The following TENT2 variants were observed in gnomAD, a reference collection of about 807,000 sequenced individuals.
The protein encoded by TENT2 is poly(A) RNA polymerase GLD2.
TENT2 carries 44 observed loss-of-function variants against 72.2 expected under a neutral mutation model. The ratio of observed to expected loss-of-function variants is 0.61; its 90% confidence interval spans 0.48 to 0.78. The LOEUF is 0.78. Ranked by LOEUF, TENT2 falls within the 30% of genes least tolerant of loss-of-function variation. The probability of loss-of-function intolerance (pLI) is 0.00; values close to 1 mark genes in which losing one functional copy is unlikely to be tolerated. For missense variants in TENT2, 541 were observed against 569.6 expected (o/e 0.95, Z 0.51); for synonymous variants, 212 against 192.5 (o/e 1.10, Z -0.84).
intron 4 of TENT2, among the ~76,000 whole-genome samples, chr5:79,627,419 T>TA (rs1405536180): frequency 6.6e-6 from 1 of 152,238 alleles, no homozygotes; most frequent in African/African-American, 2.4e-5. Context: ...TAGAAAGAGA[T>TA]ACTCCTAAAT....
At chr5:79,628,054 C>T (rs1272479475) in intron 4 of TENT2, among the ~76,000 whole-genome samples, 1 of 152,000 alleles carries the variant, frequency 6.6e-6, no homozygotes, top group Non-Finnish European at 1.5e-5. Flanking sequence ...AAGATTTGAT[C>T]TTTGTCTCTA....
chr5:79,622,238 G>A (rs1765680441), intron 3 of TENT2, among the ~76,000 whole-genome samples: 1 of 152,046 alleles, frequency 6.6e-6, no homozygotes, highest in Non-Finnish European at 1.5e-5. Flanking sequence ...GGAGGCAGAG[G>A]TTGCGGTGAG....
chr5:79,669,173 A>G, intron 12 of TENT2, 145 bp downstream of exon 12: 1 of 996,190 alleles, frequency 1.0e-6, no homozygotes, highest in Non-Finnish European at 1.4e-6. Context: ...AAAGTTGTCC[A>G]GAAATGTATA....
rs1059236 is a variant in TENT2, at chr5:79,686,365, T to A, written c.*1092T>A. ...AAAGCTACAGTGTTTATTAAGGGTCTTTTTGATTTATGTAAATATTTGTAA... is the reference window on the plus strand; with the variant it reads ...AAAGCTACAGTGTTTATTAAGGGTCATTTTGATTTATGTAAATATTTGTAA... On this transcript the variant is annotated 3_prime_UTR_variant, in exon 15 of 15. Coordinates refer to ENST00000453514, the MANE Select transcript of TENT2 (RefSeq NM_001114394.3). 6.6e-6 allele frequency: 1 copy of A among 152,106 alleles called. No homozygotes were observed. Among genetic ancestry groups the A allele is most frequent in the Non-Finnish European group, 1.5e-5 (1 of 68,016 alleles). The allele number at this position is 152,106 out of a possible 1,614,324, so 9.4% of individuals were successfully genotyped here.
At chr5:79,667,684 A>G (rs1809431231) in intron 11 of TENT2, among the ~76,000 whole-genome samples, 1 of 152,176 alleles carries the variant, frequency 6.6e-6, no homozygotes, top group Non-Finnish European at 1.5e-5. Flanking sequence ...TTATTGATAG[A>G]ATTATAGGTA....
chr5:79,658,515 TTCTC>T (rs1401903941), intron 11 of TENT2, among the ~76,000 whole-genome samples: 1 of 152,152 alleles, frequency 6.6e-6, no homozygotes, highest in East Asian at 1.9e-4. Flanking sequence ...TTGAATGTTT[TTCTC>T]TCTCCATAAA....
chr5:79,643,443 T>C (rs570616601), intron 7 of TENT2, among the ~76,000 whole-genome samples: 1 of 152,318 alleles, frequency 6.6e-6, no homozygotes. Context: ...TCTAAACATA[T>C]TTTAATCCAC....
chr5:79,653,428 G>A (rs1580464215), intron 10 of TENT2, among the ~76,000 whole-genome samples: 3 of 152,180 alleles, frequency 2.0e-5, no homozygotes, highest in East Asian at 1.9e-4. Context: ...AGGAGTTTGA[G>A]GTTGCAGTAA....
chr5:79,620,358 A>T (rs1382985826), intron 3 of TENT2, among the ~76,000 whole-genome samples: 1 of 152,226 alleles, frequency 6.6e-6, no homozygotes, highest in Non-Finnish European at 1.5e-5. Flanking sequence ...TCTAGAATAA[A>T]GCTGTTTCCT....
intron 3 of TENT2, among the ~76,000 whole-genome samples, chr5:79,620,297 G>A (rs1372020111): frequency 6.6e-6 from 1 of 152,068 alleles, no homozygotes; most frequent in Non-Finnish European, 1.5e-5. Context: ...TTGTATGTTT[G>A]TTTCTGCCCT....
rs1179120609 is a variant in TENT2 at position 79,686,900 on chromosome 5, T to C, written c.*1627T>C. Among the ~76,000 whole-genome samples the C allele has an allele frequency of 6.6e-6, 1 of 152,210 alleles. No homozygotes were observed. Among genetic ancestry groups the C allele is most frequent in the African/African-American group, 2.4e-5 (1 of 41,458 alleles). On this transcript the variant is annotated 3_prime_UTR_variant, in exon 15 of 15. Coordinates refer to ENST00000453514, the MANE Select transcript of TENT2 (RefSeq NM_001114394.3). ...CCTAAAATTTACACTGTGCATCTCT[T>C]AATCAGAATGTACTGAGTAGAGTTA...
chr5:79,630,884 A>G (rs1286213769), intron 4 of TENT2, among the ~76,000 whole-genome samples: 2 of 147,596 alleles, frequency 1.4e-5, no homozygotes, highest in African/African-American at 5.1e-5. Context: ...CACTATGGAG[A>G]GTAGATTGAA....
In TENT2 at chr5:79,686,424, G is replaced by A. The variant is rs1826048559; in HGVS notation, c.*1151G>A. 6.6e-6 allele frequency: 1 copy of A among 151,782 alleles called. No individual in the cohort carries two copies. 9.4% of individuals were successfully genotyped at this position (151,782 alleles called of 1,614,324 possible). A position where few individuals can be genotyped will look rare whatever the true frequency, so the allele number is the denominator to read the frequency against. ...GTGCCTGTAAATTTAAATATAAAAA[G>A]TAACCTTGAAAACAGTTTTAACTTT... On this transcript the variant is annotated 3_prime_UTR_variant, in exon 15 of 15. Coordinates refer to ENST00000453514, the MANE Select transcript of TENT2 (RefSeq NM_001114394.3).
At chr5:79,642,409 C>CAT (rs757369789) in intron 6 of TENT2, among the ~76,000 whole-genome samples, 6 of 152,112 alleles carry the variant, frequency 3.9e-5, no homozygotes, top group Admixed American at 2.6e-4. Flanking sequence ...GTGTTATTCA[C>CAT]ATATCTAAAT....
At chr5:79,673,509 A>T (rs1253746779) in intron 12 of TENT2, among the ~76,000 whole-genome samples, 1 of 152,102 alleles carries the variant, frequency 6.6e-6, no homozygotes, top group African/African-American at 2.4e-5. Context: ...TCTTTCGCAT[A>T]TGGATATCTA....
At chr5:79,651,572 C>T (rs1331388717) in intron 10 of TENT2, among the ~76,000 whole-genome samples, 1 of 151,898 alleles carries the variant, frequency 6.6e-6, no homozygotes. Flanking sequence ...ATTGTTACAC[C>T]CTTTCCACTT....
chr5:79,620,440 T>G (rs1280298239), intron 3 of TENT2: 1 of 161,710 alleles, frequency 6.2e-6, no homozygotes, highest in Non-Finnish European at 1.3e-5. Flanking sequence ...AGGGTAGGGT[T>G]GCCATAACAA....
intron 12 of TENT2, among the ~76,000 whole-genome samples, chr5:79,675,094 CAG>C (rs1335413406): frequency 6.6e-6 from 1 of 152,020 alleles, no homozygotes; most frequent in African/African-American, 2.4e-5. Context: ...CAGAAAAAAA[CAG>C]GGTAAAATTA....
rs1825702946 is a variant in TENT2, at chr5:79,685,302, C to T, written c.*29C>T. 2.0e-6 allele frequency: 3 copies of T among 1,476,662 alleles called. No individual in the cohort carries two copies. Among genetic ancestry groups the T allele is most frequent in the Admixed American group, 4.3e-5 (2 of 46,324 alleles). 91.5% of individuals were successfully genotyped at this position (1,476,662 alleles called of 1,614,324 possible). ...GCCTCTATTTCTTAATAAATTCTTC[C>T]AAGAAATAAAGAACAATAGTTTCAT... On this transcript the variant is annotated 3_prime_UTR_variant, in exon 15 of 15. Coordinates refer to ENST00000453514, the MANE Select transcript of TENT2 (RefSeq NM_001114394.3).
Sources: gnomAD v4.1 joint callset for allele counts (sites outside exome capture counted in the v4.1 genomes callset) on GRCh38, gnomAD v4.1.1 for gene constraint, MANE v1.5 for transcripts, NCBI Gene and HGNC (gene_info 2026-07-23, HGNC 2026-07-21) for gene names.